HDAC4: variants seen among roughly 807,000 people sequenced by gnomAD.
HDAC4 encodes the protein histone deacetylase A.
A neutral mutation model predicts 135.1 loss-of-function variants in HDAC4; 16 were observed. The observed-to-expected ratio is 0.12, with a 90% CI of 0.08 to 0.18. The LOEUF (loss-of-function observed/expected upper bound fraction) is 0.18. HDAC4 is among the 10% of genes least tolerant of loss of function. HDAC4 has a pLI of 1.00. For synonymous variants in HDAC4, 685 were observed against 653.4 expected, an observed-to-expected ratio of 1.05 and a Z score of -0.74; for missense variants, 1,143 against 1,511.8, an observed-to-expected ratio of 0.76 and a Z score of 4.05.
chr2:239,388,162 G>A (rs562585539), intron 1 of HDAC4, among the ~76,000 whole-genome samples: 4 of 152,198 alleles, frequency 2.6e-5, no homozygotes, highest in Non-Finnish European at 5.9e-5. Flanking sequence ...TTGGGGAAAG[G>A]CTGGGCCATT....
In HDAC4 at chr2:239,115,457, A is replaced by G. The variant is rs2152810803; in HGVS notation, c.1534-147T>C. 3.1e-6 allele frequency: 3 copies of G among 968,358 alleles called. No individual in the cohort carries two copies. The highest frequency in any genetic ancestry group is 4.6e-6 in the Non-Finnish European group (3 of 654,612). 60.0% of individuals were successfully genotyped at this position (968,358 alleles called of 1,614,324 possible). On this transcript the variant is annotated intron_variant, in intron 12 of 26. Coordinates refer to ENST00000543185, the MANE Select transcript of HDAC4 (RefSeq NM_001378414.1). The surrounding 1 kb of genome is among the most constrained non-coding windows in gnomAD (Gnocchi z 6.3). The stretch of plus-strand genomic sequence containing the variant: ...ATCACCCTGCCACAGGCCAGCAGGC[A>G]CCTTTATCTCCCAACAGGCACTGGG...
chr2:239,096,766 C>T (rs2037137064), intron 16 of HDAC4, among the ~76,000 whole-genome samples: 1 of 149,558 alleles, frequency 6.7e-6, no homozygotes, highest in Admixed American at 6.7e-5. Flanking sequence ...CCCCCACAGA[C>T]ACCCACATGT....
intron 2 of HDAC4, among the ~76,000 whole-genome samples, chr2:239,267,083 T>C (rs866112350): frequency 6.6e-6 from 1 of 151,528 alleles, no homozygotes; most frequent in East Asian, 1.9e-4. Flanking sequence ...GCGGCAGCTG[T>C]ACACTGCATG....
At chr2:239,123,228 G>A (rs772311860) in intron 12 of HDAC4, among the ~76,000 whole-genome samples, 2 of 152,224 alleles carry the variant, frequency 1.3e-5, no homozygotes, top group East Asian at 1.9e-4. Context: ...TTAGGAAGAC[G>A]GATGTGAAAG....
intron 2 of HDAC4, among the ~76,000 whole-genome samples, chr2:239,345,611 C>T (rs777027767): frequency 3.3e-5 from 5 of 149,674 alleles, no homozygotes; most frequent in Non-Finnish European, 5.9e-5. Context: ...ATACACACAC[C>T]CTAACACACA....
intron 8 of HDAC4, chr2:239,140,768 A>G: frequency 3.3e-6 from 1 of 299,072 alleles, no homozygotes; most frequent in South Asian, 2.7e-5. Flanking sequence ...GTTTTCCCCA[A>G]GCAGCCCCTC....
intron 14 of HDAC4, among the ~76,000 whole-genome samples, chr2:239,110,902 C>T (rs1334950984): frequency 2.0e-5 from 3 of 152,236 alleles, no homozygotes; most frequent in Admixed American, 6.5e-5. Flanking sequence ...AAGTCCAGGG[C>T]CCGGCCCCTC....
chr2:239,124,718 G>A (rs1305189103), intron 12 of HDAC4, among the ~76,000 whole-genome samples: 3 of 110,208 alleles, frequency 2.7e-5, no homozygotes, highest in South Asian at 6.6e-4. Flanking sequence ...GTGACATTCT[G>A]GTGTGCTGGC....
intron 11 of HDAC4, among the ~76,000 whole-genome samples, chr2:239,130,126 G>T (rs1353517930): frequency 6.6e-6 from 1 of 152,206 alleles, no homozygotes; most frequent in African/African-American, 2.4e-5. Context: ...CCAGGCAAGA[G>T]TTAGATCCAA....
chr2:239,178,445 G>C (rs2043914664), intron 4 of HDAC4, among the ~76,000 whole-genome samples: 1 of 152,096 alleles, frequency 6.6e-6, no homozygotes, highest in South Asian at 2.1e-4. Context: ...AAGGGGTCTT[G>C]CTATGTTGCC....
chr2:239,059,476 G>A (rs370896799), intron 24 of HDAC4, among the ~76,000 whole-genome samples: 29 of 152,206 alleles, frequency 1.9e-4, no homozygotes, highest in Non-Finnish European at 3.7e-4. Flanking sequence ...AGGGGGCCCC[G>A]GCTACAGGCA....
chr2:239,067,918 G>T (rs557010609), intron 23 of HDAC4, among the ~76,000 whole-genome samples: 7 of 152,170 alleles, frequency 4.6e-5, no homozygotes, highest in Non-Finnish European at 8.8e-5. Context: ...ACTCCAGGGT[G>T]GGGGAGGCGG....
At chr2:239,223,363 C>T (rs953017766) in intron 3 of HDAC4, among the ~76,000 whole-genome samples, 6 of 152,326 alleles carry the variant, frequency 3.9e-5, no homozygotes, top group Admixed American at 2.0e-4. Flanking sequence ...TACATTCCGC[C>T]GGGGCTTTCT....
At chr2:239,135,665 G>A (rs528995948) in intron 9 of HDAC4, among the ~76,000 whole-genome samples, 25 of 152,284 alleles carry the variant, frequency 1.6e-4, no homozygotes, top group African/African-American at 5.5e-4. Flanking sequence ...GGGATGTAAC[G>A]TTAAGAAATA....
intron 1 of HDAC4, among the ~76,000 whole-genome samples, chr2:239,387,892 C>T (rs976742813): frequency 3.1e-4 from 47 of 152,306 alleles, no homozygotes; most frequent in African/African-American, 1.1e-3. Context: ...GAGTGGAAGG[C>T]GTGGGCTCAG....
intron 24 of HDAC4, 104 bp downstream of exon 24, chr2:239,066,618 G>T: frequency 6.6e-7 from 1 of 1,514,178 alleles, no homozygotes; most frequent in Non-Finnish European, 9.2e-7. Flanking sequence ...CACGTGGTCA[G>T]AGACCCACTG....
At chr2:239,155,147 G>T in intron 7 of HDAC4, 1 of 148,414 alleles carries the variant, frequency 6.7e-6, no homozygotes, top group Non-Finnish European at 1.5e-5. Flanking sequence ...GACGTGGCCA[G>T]CCTGATATGA....
At chr2:239,266,775 GC>G (rs1211907279) in intron 2 of HDAC4, among the ~76,000 whole-genome samples, 1 of 152,064 alleles carries the variant, frequency 6.6e-6, no homozygotes, top group East Asian at 1.9e-4. Flanking sequence ...AGTGGAAGAG[GC>G]TCTTCCTTCA....
intron 3 of HDAC4, among the ~76,000 whole-genome samples, chr2:239,234,675 A>C (rs1231394990): frequency 1.3e-5 from 2 of 152,216 alleles, no homozygotes; most frequent in Non-Finnish European, 2.9e-5. Context: ...CAACTCGCCT[A>C]AGCTCCCACG....
Sources: gnomAD v4.1 joint callset for allele counts (sites outside exome capture counted in the v4.1 genomes callset) on GRCh38, gnomAD v4.1.1 for gene constraint, Gnocchi (gnomAD v3.1) non-coding constraint, MANE v1.5 for transcripts, NCBI Gene and HGNC (gene_info 2026-07-23, HGNC 2026-07-21) for gene names.